Variants in EPHA6 observed in about 807,000 individuals in gnomAD.
EPHA6 encodes EPH receptor A6, also known as ephrin type-A receptor 6.
Under a neutral mutation model 112.0 loss-of-function variants are expected in EPHA6, and 50 were observed. The ratio of observed to expected loss-of-function variants is 0.45; its 90% CI spans 0.36 to 0.56. The LOEUF (loss-of-function observed/expected upper bound fraction) is 0.56, where lower values mean the gene tolerates loss of function less well. Ranked by LOEUF, EPHA6 falls within the 20% of genes least tolerant of loss-of-function variation. The probability of loss-of-function intolerance (pLI) is 0.00; values close to 1 mark genes in which losing one functional copy is unlikely to be tolerated. For synonymous variants in EPHA6, 529 were observed against 490.7 expected (o/e 1.08, Z -1.03); for missense variants, 1,280 against 1,417.4 (o/e 0.90, Z 1.56).
At chr3:97,208,409 AATATCATT>A (rs2077770594) in intron 3 of EPHA6, among the ~76,000 whole-genome samples, 1 of 152,160 alleles carries the variant, frequency 6.6e-6, no homozygotes, top group South Asian at 2.1e-4. Context: ...TAAAACTCAA[AATATCATT>A]ATGAAGTTCA....
At chr3:97,061,180 T>C (rs75451335) in intron 3 of EPHA6, among the ~76,000 whole-genome samples, 2,117 of 152,174 alleles carry the variant, frequency 0.014, 39 homozygotes, top group African/African-American at 0.047. Flanking sequence ...ATGTGGTATA[T>C]AGATTTTATG....
intron 2 of EPHA6, among the ~76,000 whole-genome samples, chr3:96,983,064 T>C (rs1373022531): frequency 6.6e-6 from 1 of 152,224 alleles, no homozygotes; most frequent in Non-Finnish European, 1.5e-5. Context: ...TTAAGGTTAA[T>C]ATTGTTATGT....
chr3:96,965,081 G>T (rs755197883), intron 2 of EPHA6, among the ~76,000 whole-genome samples: 117 of 152,226 alleles, frequency 7.7e-4, no homozygotes, highest in Middle Eastern at 6.8e-3. Context: ...TTGCAGGTTG[G>T]CATTTGCCTT....
intron 2 of EPHA6, among the ~76,000 whole-genome samples, chr3:96,875,351 T>C (rs1247265451): frequency 6.6e-6 from 1 of 152,090 alleles, no homozygotes; most frequent in East Asian, 1.9e-4. Context: ...ATAGAGTCCC[T>C]AAATTTTTAA....
rs918456015 is a variant in EPHA6, at chr3:97,631,860, G to A, written c.2575-6013G>A. On this transcript the variant is annotated intron_variant, in intron 13 of 17. Coordinates refer to ENST00000389672, the MANE Select transcript of EPHA6 (RefSeq NM_001080448.3). ...TCTGCTTTAATAATGCACATTTTTCGGCAAGAAAGTTTGAGGGCAGTGATT... is the reference window on the plus strand; with the variant it reads ...TCTGCTTTAATAATGCACATTTTTCAGCAAGAAAGTTTGAGGGCAGTGATT... Among the ~76,000 whole-genome samples, 8 of 151,964 alleles carry A rather than the reference G, an allele frequency of 5.3e-5. No homozygotes were observed. The South Asian group carries it at 8.3e-4, about 16-fold the overall frequency.
Position 97,346,246 on chromosome 3 carries a change from G to A in EPHA6, c.1607-58904G>A, listed in dbSNP as rs1312853540. On this transcript the variant is annotated intron_variant, in intron 5 of 17. Transcript: ENST00000389672. ...TTTTGAAATGCACAATTTTTATTTA[G>A]AGGCTGGACAAAATTAAGTTCCTCT... 2.0e-5 allele frequency among the ~76,000 whole-genome samples: 3 copies of A among 152,162 alleles called. No homozygotes were observed. In the South Asian group the frequency reaches 6.2e-4, roughly 32 times the overall value.
chr3:96,987,618 G>A lies in EPHA6; in HGVS notation c.739G>A (p.Ala247Thr). 1 of 1,612,638 alleles carries A rather than the reference G, an allele frequency of 6.2e-7. No individual in the cohort carries two copies. The highest frequency in any genetic ancestry group is 8.5e-7 in the Non-Finnish European group (1 of 1,178,800). ...GTATACAAAGATCGACACAATTGCT[G>A]CTGATGAGAGTTTTACCCAGATGGA... is the stretch of plus-strand genomic sequence containing the variant. ...NQYTKIDTIAADESFTQMDLG... is the reference protein window; with the variant it reads ...NQYTKIDTIATDESFTQMDLG... The change falls in exon 3 of 18, where the codon GCT (alanine) becomes ACT (threonine). Residue 247 changes from alanine to threonine, a missense_variant. Coordinates refer to ENST00000389672, the MANE Select transcript of EPHA6 (RefSeq NM_001080448.3).
At chr3:96,971,269 C>T (rs1421717015) in intron 2 of EPHA6, among the ~76,000 whole-genome samples, 3 of 151,678 alleles carry the variant, frequency 2.0e-5, no homozygotes, top group Non-Finnish European at 4.4e-5. Flanking sequence ...ACAAATCTAC[C>T]AAAAGTAAAA....
At chr3:96,917,591 A>G (rs1327640227) in intron 2 of EPHA6, among the ~76,000 whole-genome samples, 1 of 151,986 alleles carries the variant, frequency 6.6e-6, no homozygotes, top group East Asian at 1.9e-4. Flanking sequence ...ACAGTACACC[A>G]CTGCTACTAC....
At chr3:97,518,602 G>A (rs1238877129) in intron 10 of EPHA6, among the ~76,000 whole-genome samples, 1 of 151,642 alleles carries the variant, frequency 6.6e-6, no homozygotes, top group Non-Finnish European at 1.5e-5. Context: ...CCCATCAACA[G>A]TGTATAAGTG....
At chr3:97,530,193 G>A (rs1456149522) in intron 10 of EPHA6, among the ~76,000 whole-genome samples, 1 of 151,970 alleles carries the variant, frequency 6.6e-6, no homozygotes, top group Non-Finnish European at 1.5e-5. Context: ...AGGCCTGGAT[G>A]TATTGGACAT....
At chr3:97,736,148 T>A in intron 16 of EPHA6, 30 bp downstream of exon 16, 1 of 1,565,128 alleles carries the variant, frequency 6.4e-7, no homozygotes, top group Non-Finnish European at 8.7e-7. Context: ...GTTTTTTTCT[T>A]CTTGACAATT....
chr3:96,909,624 T>C (rs1208438376), intron 2 of EPHA6, among the ~76,000 whole-genome samples: 1 of 152,020 alleles, frequency 6.6e-6, no homozygotes, highest in Non-Finnish European at 1.5e-5. Context: ...TACACTGTGC[T>C]TTCTGTGTAA....
intron 2 of EPHA6, among the ~76,000 whole-genome samples, chr3:96,895,201 G>A (rs769413529): frequency 7.9e-5 from 12 of 152,070 alleles, no homozygotes; most frequent in African/African-American, 2.4e-4. Context: ...GTGGAAGACA[G>A]TGATATTGAT....
chr3:97,334,472 T>TTTC (rs1280144826), intron 5 of EPHA6, among the ~76,000 whole-genome samples: 3 of 146,462 alleles, frequency 2.0e-5, no homozygotes, highest in African/African-American at 7.9e-5. Context: ...TTTCTTTTTT[T>TTTC]TTCTTCTTTT....
intron 5 of EPHA6, among the ~76,000 whole-genome samples, chr3:97,361,765 C>T (rs1184937631): frequency 2.0e-5 from 3 of 152,142 alleles, no homozygotes; most frequent in African/African-American, 7.2e-5. Flanking sequence ...GGAAAGAGCT[C>T]TCATGACCCA....
intron 2 of EPHA6, among the ~76,000 whole-genome samples, chr3:96,958,124 C>T (rs1168572442): frequency 6.6e-6 from 1 of 152,092 alleles, no homozygotes; most frequent in African/African-American, 2.4e-5. Context: ...AACCCCATCT[C>T]TACTAAAAAT....
chr3:97,186,583 A>T (rs2077145510), intron 3 of EPHA6, among the ~76,000 whole-genome samples: 1 of 152,118 alleles, frequency 6.6e-6, no homozygotes, highest in African/African-American at 2.4e-5. Context: ...ATCGATTCAA[A>T]GTTTTTAATA....
intron 1 of EPHA6, among the ~76,000 whole-genome samples, chr3:96,816,595 A>G (rs1367502258): frequency 6.6e-6 from 1 of 152,150 alleles, no homozygotes; most frequent in Non-Finnish European, 1.5e-5. Context: ...GATACTAGAG[A>G]TGAATACTTT....
Sources: allele counts gnomAD v4.1 joint callset (sites outside exome capture counted in the v4.1 genomes callset), GRCh38; gene constraint gnomAD v4.1.1; transcripts MANE v1.5; gene names NCBI Gene and HGNC (gene_info 2026-07-23, HGNC 2026-07-21).